Variants in TLR1 observed in about 807,000 individuals in gnomAD.
The protein encoded by TLR1 is toll like receptor 1, also known as toll-like receptor 1.
A neutral mutation model predicts 20.2 loss-of-function variants in TLR1; 19 were observed. The ratio of observed to expected loss-of-function variants is 0.94; its 90% CI spans 0.66 to 1.38. The LOEUF (loss-of-function observed/expected upper bound fraction) is 1.38. Among genes scored for constraint, TLR1 ranks in the 40% most tolerant of loss-of-function variants. TLR1 has a pLI of 0.00. For missense variants in TLR1, 921 were observed against 910.0 expected (o/e 1.01, Z -0.16); for synonymous variants, 320 against 334.5 (o/e 0.96, Z 0.47).
downstream of TLR1, among the ~76,000 whole-genome samples, chr4:38,789,533 GT>G (rs554719664): frequency 8.1e-4 from 123 of 151,502 alleles, no homozygotes; most frequent in African/African-American, 2.8e-3. Flanking sequence ...TCAGGCTAGA[GT>G]GCAACGATGT....
In TLR1 at chr4:38,798,212, T is replaced by A. The variant is rs137873769; in HGVS notation, c.620A>T (p.Asp207Val). 59 of 1,613,830 alleles carry A rather than the reference T, an allele frequency of 3.7e-5. No homozygotes were observed. Among genetic ancestry groups the A allele is most frequent in the Non-Finnish European group, 4.6e-5 (54 of 1,179,882 alleles). The change falls in exon 4 of 4, where the codon GAT becomes GTT. Residue 207 changes from aspartate to valine, a missense_variant. Physicochemically the swap from Asp to Val is radical, Grantham distance 152. Transcript: ENST00000308979. ...PTNKEFHFILDVSVKTVANLE... is the reference protein window; with the variant it reads ...PTNKEFHFILVVSVKTVANLE... Reference sequence around the variant, plus strand: ...ATTTGCTACAGTCTTGACTGACACATCCAAAATAAAATGGAATTCTTTGTT... The same window carrying A: ...ATTTGCTACAGTCTTGACTGACACAACCAAAATAAAATGGAATTCTTTGTT...
In TLR1 at chr4:38,797,255, A is replaced by G. The variant is rs201271982; in HGVS notation, c.1577T>C (p.Phe526Ser). ...TTCTCCTAGCTCACAGGTACATTGG[A>G]ATGGATTGTCCCCTGCTTTTATTGA... ...MRSIKAGDNP[F>S]QCTCELGEFV... Residue 526 changes from phenylalanine to serine, a missense_variant, in exon 4 of 4, where the codon TTC becomes TCC. Physicochemically the swap from Phe to Ser is radical, Grantham distance 155. Transcript: ENST00000308979. 4 of 1,614,212 alleles carry G rather than the reference A, an allele frequency of 2.5e-6. No individual in the cohort carries two copies. Among genetic ancestry groups the G allele is most frequent in the Non-Finnish European group, 3.4e-6 (4 of 1,180,036 alleles).
Position 38,796,867 on chromosome 4 carries a change from T to C in TLR1, c.1965A>G (p.Leu655=). ...TACCTTCTTTCTCTAGGTTTGGCAA[T>C]AATTCATTCTTCACCCAGAAAGAAT... is the stretch of plus-strand genomic sequence containing the variant. The part of the protein sequence containing the change: ...GHDSFWVKNE[L]LPNLEKEGMQ... The change falls in exon 4 of 4, where the codon TTA becomes TTG. Residue 655 remains leucine, a synonymous_variant. Transcript: ENST00000308979. 6.2e-7 allele frequency: 1 copy of C among 1,614,248 alleles called. No homozygotes were observed. Among genetic ancestry groups the C allele is most frequent in the African/African-American group, 1.3e-5 (1 of 75,060 alleles).
chr4:38,805,379 A>T (rs1726949960), upstream of TLR1: 1 of 152,224 alleles, frequency 6.6e-6, no homozygotes, highest in Non-Finnish European at 1.5e-5. Flanking sequence ...CTTTCTTCAA[A>T]ACATATTTTT....
chr4:38,795,654 C>T (rs113409370), downstream of TLR1, among the ~76,000 whole-genome samples: 323 of 152,234 alleles, frequency 2.1e-3, 3 homozygotes, highest in Middle Eastern at 0.01. Flanking sequence ...TCATAAGCAG[C>T]CCCTGAGACA....
rs1726167583 is a variant in TLR1, at chr4:38,797,260, A to T, written c.1572T>A (p.Asn524Lys). ...CTAGCTCACAGGTACATTGGAATGG[A>T]TTGTCCCCTGCTTTTATTGACCTCA... ...QKMRSIKAGD[N>K]PFQCTCELGE... Residue 524 changes from asparagine to lysine, a missense_variant, in exon 4 of 4, where the codon AAT becomes AAA. Physicochemically the swap from Asn to Lys is moderately conservative, Grantham distance 94 (BLOSUM62 0). Coordinates refer to ENST00000308979, the MANE Select transcript of TLR1 (RefSeq NM_003263.4). The T allele has an allele frequency of 6.2e-7, 1 of 1,614,066 alleles. No individual in the cohort carries two copies. The highest frequency in any genetic ancestry group is 8.5e-7 in the Non-Finnish European group (1 of 1,180,030).
downstream of TLR1, among the ~76,000 whole-genome samples, chr4:38,793,133 T>A (rs1361906494): frequency 6.6e-6 from 1 of 152,078 alleles, no homozygotes. Context: ...TGGTATATTA[T>A]GAGTTTCATT....
At chr4:38,803,030 C>T (rs914280628) in intron 2 of TLR1, among the ~76,000 whole-genome samples, 4 of 152,112 alleles carry the variant, frequency 2.6e-5, no homozygotes, top group African/African-American at 9.7e-5. Flanking sequence ...CTTGCTTGTA[C>T]CCAGAGAGAG....
intron 2 of TLR1, among the ~76,000 whole-genome samples, chr4:38,801,583 T>C (rs982773001): frequency 2.0e-5 from 3 of 152,146 alleles, no homozygotes; most frequent in African/African-American, 7.2e-5. Flanking sequence ...AGATCAAGGC[T>C]CTTTCCACCT....
chr4:38,795,104 G>C (rs1052058886), downstream of TLR1, among the ~76,000 whole-genome samples: 1 of 152,080 alleles, frequency 6.6e-6, no homozygotes, highest in African/African-American at 2.4e-5. Context: ...TCTGAGAAAA[G>C]GTATCAATTA....
chr4:38,797,127 C>T lies in TLR1; in HGVS notation c.1705G>A (p.Asp569Asn). 3 of 1,614,206 alleles carry T rather than the reference C, an allele frequency of 1.9e-6. No homozygotes were observed. The highest frequency in any genetic ancestry group is 2.5e-6 in the Non-Finnish European group (3 of 1,180,044). ...PESYRGTLLK[D>N]FHMSELSCNI... ...CAGGATAATTCAGACATGTGAAAGT[C>T]CTTTAGTAGGGTTCCTCTATAACTT... Residue 569 changes from aspartate to asparagine, a missense_variant, in exon 4 of 4, where the codon GAC (aspartate) becomes AAC (asparagine). Coordinates refer to ENST00000308979, the MANE Select transcript of TLR1 (RefSeq NM_003263.4).
rs770353680 is a variant in TLR1 at position 38,798,738 on chromosome 4, A to T, written c.94T>A (p.Ser32Thr). ...GGAACGTGGATGAGACCGTTTTTTG[A>T]CCTATCAACTAAAAATTCACTTTCT... is the stretch of plus-strand genomic sequence containing the variant. Reference protein sequence around the residue: ...SEESEFLVDRSKNGLIHVPKD... With the variant: ...SEESEFLVDRTKNGLIHVPKD... Residue 32 changes from serine to threonine, a missense_variant, in exon 4 of 4, where the codon TCA (serine) becomes ACA (threonine). Coordinates refer to ENST00000308979, the MANE Select transcript of TLR1 (RefSeq NM_003263.4). 8 of 1,612,806 alleles carry T rather than the reference A, an allele frequency of 5.0e-6. No individual in the cohort carries two copies. The Middle Eastern group carries it at 8.9e-4, about 180-fold the overall frequency.
chr4:38,799,317 G>T (rs1726469185), intron 3 of TLR1, among the ~76,000 whole-genome samples: 1 of 152,158 alleles, frequency 6.6e-6, no homozygotes, highest in African/African-American at 2.4e-5. Context: ...AAGGCAGAGG[G>T]ATATTTGACA....
chr4:38,790,203 T>C (rs1207355444), downstream of TLR1, among the ~76,000 whole-genome samples: 8 of 152,238 alleles, frequency 5.3e-5, no homozygotes, highest in African/African-American at 1.9e-4. Flanking sequence ...CTCTCGTTTC[T>C]TGGGATGCAC....
In TLR1 at chr4:38,796,806, C is replaced by T. The variant is rs1183413274; in HGVS notation, c.2026G>A (p.Gly676Ser). The change falls in exon 4 of 4, where the codon GGC becomes AGC. Residue 676 changes from glycine (G) to serine (S), a missense_variant. Transcript: ENST00000308979. ...ATGATATTTTCCACAATGCTCTTGC[C>T]AGGAACAAAGTTTCTCTCATGAAGG... ...ICLHERNFVP[G>S]KSIVENIITC... 28 of 1,614,230 alleles carry T rather than the reference C, an allele frequency of 1.7e-5. No individual in the cohort carries two copies. The highest frequency in any genetic ancestry group is 2.2e-5 in the Non-Finnish European group (26 of 1,180,054).
At position 38,797,133 on chromosome 4, in the gene TLR1, G is replaced by A. The variant is rs1383135556; in HGVS notation, c.1699C>T (p.Leu567=). The A allele has an allele frequency of 6.2e-7, 1 of 1,614,218 alleles. No homozygotes were observed. Among genetic ancestry groups the A allele is most frequent in the Admixed American group, 1.7e-5 (1 of 60,030 alleles). The change falls in exon 4 of 4, where the codon CTA becomes TTA. Residue 567 remains leucine (L), a synonymous_variant. Transcript: ENST00000308979. ...DYPESYRGTL[L]KDFHMSELSC... ...AATTCAGACATGTGAAAGTCCTTTA[G>A]TAGGGTTCCTCTATAACTTTCCGGG...
chr4:38,796,546 C>T lies in TLR1; in HGVS notation c.2286G>A (p.Lys762=). ...RRTYLEWPKE[K]SKRGLFWANL... Reference sequence around the variant, plus strand: ...TAGCCCAAAAAAGGCCACGTTTGCTCTTTTCCTTGGGCCATTCCAAATAAG... The same window carrying T: ...TAGCCCAAAAAAGGCCACGTTTGCTTTTTTCCTTGGGCCATTCCAAATAAG... Residue 762 remains lysine (K), a synonymous_variant, in exon 4 of 4, where the codon AAG becomes AAA. Coordinates refer to ENST00000308979, the MANE Select transcript of TLR1 (RefSeq NM_003263.4). 6.2e-7 allele frequency: 1 copy of T among 1,614,196 alleles called. No homozygotes were observed. Among genetic ancestry groups the T allele is most frequent in the Non-Finnish European group, 8.5e-7 (1 of 1,180,024 alleles).
Position 38,796,834 on chromosome 4 carries a change from A to T in TLR1, c.1998T>A (p.Ile666=), listed in dbSNP as rs767620465. ...LPNLEKEGMQ[I]CLHERNFVPG... ...GAACAAAGTTTCTCTCATGAAGGCAAATCTGCATACCTTCTTTCTCTAGGT... is the reference window on the plus strand; with the variant it reads ...GAACAAAGTTTCTCTCATGAAGGCATATCTGCATACCTTCTTTCTCTAGGT... The change falls in exon 4 of 4, where the codon ATT becomes ATA. Residue 666 remains isoleucine (I), a synonymous_variant. Coordinates refer to ENST00000308979, the MANE Select transcript of TLR1 (RefSeq NM_003263.4). 7 of 1,614,250 alleles carry T rather than the reference A, an allele frequency of 4.3e-6. No homozygotes were observed. Among genetic ancestry groups the T allele is most frequent in the Non-Finnish European group, 5.9e-6 (7 of 1,180,052 alleles).
downstream of TLR1, among the ~76,000 whole-genome samples, chr4:38,795,776 G>A (rs1031549234): frequency 2.6e-5 from 4 of 152,218 alleles, no homozygotes; most frequent in African/African-American, 9.6e-5. Context: ...ACTTAATCAA[G>A]CCATTTCTAC....
Sources: gnomAD v4.1 joint callset for allele counts (sites outside exome capture counted in the v4.1 genomes callset) on GRCh38, gnomAD v4.1.1 for gene constraint, MANE v1.5 for transcripts, NCBI Gene and HGNC (gene_info 2026-07-23, HGNC 2026-07-21) for gene names.